CAMK2D: variants seen among roughly 807,000 people sequenced by gnomAD.
The protein encoded by CAMK2D is calcium/calmodulin-dependent protein kinase type II subunit delta.
A neutral mutation model predicts 84.0 loss-of-function variants in CAMK2D; 37 were observed. The observed-to-expected ratio is 0.44, with a 90% CI of 0.34 to 0.58. The LOEUF is 0.58. CAMK2D is among the 20% of genes least tolerant of loss of function. The probability of loss-of-function intolerance (pLI) is 0.02; values close to 1 mark genes in which losing one functional copy is unlikely to be tolerated. For missense variants in CAMK2D, 448 were observed against 652.5 expected, an observed-to-expected ratio of 0.69 and a Z score of 3.41; for synonymous variants, 202 against 212.5, an observed-to-expected ratio of 0.95 and a Z score of 0.43.
intron 6 of CAMK2D, among the ~76,000 whole-genome samples, 179 bp from the exon 7 acceptor site, chr4:113,537,622 T>C (rs561143353): frequency 6.6e-6 from 1 of 152,304 alleles, no homozygotes; most frequent in South Asian, 2.1e-4. Flanking sequence ...AATATTATCA[T>C]GTGTGCAGGC....
chr4:113,566,085 G>A (rs2098722492), intron 4 of CAMK2D, among the ~76,000 whole-genome samples: 1 of 152,086 alleles, frequency 6.6e-6, no homozygotes, highest in South Asian at 2.1e-4. Context: ...AAGAATAGGA[G>A]AGTTTCATGC....
chr4:113,457,991 T>TTTTG (rs1215225386), intron 18 of CAMK2D, among the ~76,000 whole-genome samples: 2 of 152,070 alleles, frequency 1.3e-5, no homozygotes, highest in East Asian at 3.8e-4. Flanking sequence ...TGGTGGTTGT[T>TTTTG]TTTGTTAGTT....
At chr4:113,515,216 A>T (rs1470452189) in intron 9 of CAMK2D, 25 bp from the exon 10 acceptor site, 2 of 1,551,812 alleles carry the variant, frequency 1.3e-6, no homozygotes, top group East Asian at 4.6e-5. Context: ...ATTTATAAAA[A>T]GTTTAAAAAA....
chr4:113,677,333 CTA>C (rs989751510), intron 2 of CAMK2D, among the ~76,000 whole-genome samples: 3 of 152,024 alleles, frequency 2.0e-5, no homozygotes, highest in African/African-American at 7.3e-5. Flanking sequence ...ACAGCAGGAT[CTA>C]TGTTGATTTT....
At chr4:113,622,818 CAT>C (rs1341712679) in intron 3 of CAMK2D, among the ~76,000 whole-genome samples, 2 of 152,178 alleles carry the variant, frequency 1.3e-5, no homozygotes, top group Non-Finnish European at 2.9e-5. Flanking sequence ...CAAAAGAACA[CAT>C]GTCCATTGAA....
At chr4:113,673,146 C>T (rs1033544616) in intron 2 of CAMK2D, among the ~76,000 whole-genome samples, 7 of 151,996 alleles carry the variant, frequency 4.6e-5, no homozygotes, top group Admixed American at 3.3e-4. Flanking sequence ...CTACTTCACA[C>T]CACAAAAGAG....
intron 2 of CAMK2D, among the ~76,000 whole-genome samples, chr4:113,690,461 G>C (rs2099384037): frequency 6.6e-6 from 1 of 152,198 alleles, no homozygotes; most frequent in Admixed American, 6.5e-5. Flanking sequence ...CCCCTGAGCA[G>C]ATGTGTTCCT....
chr4:113,681,350 T>G (rs973233051), intron 2 of CAMK2D, among the ~76,000 whole-genome samples: 4 of 152,122 alleles, frequency 2.6e-5, no homozygotes, highest in African/African-American at 9.7e-5. Flanking sequence ...TCACAAGATC[T>G]GATGGTTTTA....
intron 2 of CAMK2D, among the ~76,000 whole-genome samples, chr4:113,672,431 T>C (rs2099292620): frequency 6.6e-6 from 1 of 152,302 alleles, no homozygotes; most frequent in South Asian, 2.1e-4. Flanking sequence ...ATATCAGACA[T>C]GCTACTTAAC....
chr4:113,705,506 G>C (rs2099447464), intron 2 of CAMK2D, among the ~76,000 whole-genome samples: 1 of 152,094 alleles, frequency 6.6e-6, no homozygotes, highest in Admixed American at 6.6e-5. Flanking sequence ...AAGGTAGCCA[G>C]TATCTGGCCT....
intron 3 of CAMK2D, among the ~76,000 whole-genome samples, chr4:113,637,927 T>C (rs2099116375): frequency 1.3e-5 from 2 of 152,178 alleles, no homozygotes; most frequent in South Asian, 4.1e-4. Context: ...CACCAGTTTG[T>C]GGACCAAAAG....
chr4:113,457,466 G>A lies in CAMK2D; in HGVS notation c.1404C>T (p.Leu468=). The A allele has an allele frequency of 6.2e-7, 1 of 1,613,844 alleles. No individual in the cohort carries two copies. The highest frequency in any genetic ancestry group is 8.5e-7 in the Non-Finnish European group (1 of 1,179,782). Residue 468 remains leucine (L), a synonymous_variant, in exon 19 of 21, where the codon CTC becomes CTT. Coordinates refer to ENST00000511664, the MANE Select transcript of CAMK2D (RefSeq NM_001321571.2). The part of the protein sequence containing the change: ...DDAACIAYIR[L]TQYMDGSGMP... ...TTCCACTGCCATCCATGTACTGTGT[G>A]AGCCTAATATATGCTATGCAGGCGG...
chr4:113,570,686 T>C (rs1293999918), intron 4 of CAMK2D, among the ~76,000 whole-genome samples: 1 of 152,186 alleles, frequency 6.6e-6, no homozygotes, highest in Non-Finnish European at 1.5e-5. Flanking sequence ...GATTTAAAAC[T>C]GTAAAACTAC....
At chr4:113,743,417 C>G (rs1233434598) in intron 2 of CAMK2D, among the ~76,000 whole-genome samples, 2 of 152,172 alleles carry the variant, frequency 1.3e-5, no homozygotes, top group African/African-American at 4.8e-5. Context: ...AGGCCTGTAC[C>G]TGCTAATGAT....
intron 2 of CAMK2D, among the ~76,000 whole-genome samples, chr4:113,661,976 C>G (rs528454993): frequency 3.3e-5 from 5 of 152,228 alleles, no homozygotes; most frequent in African/African-American, 1.2e-4. Context: ...TGATGCTTGA[C>G]AGAGTGCAGT....
chr4:113,455,242 T>C (rs1204429178), intron 20 of CAMK2D, among the ~76,000 whole-genome samples: 6 of 152,208 alleles, frequency 3.9e-5, no homozygotes, highest in Non-Finnish European at 8.8e-5. Context: ...TCAGCTTGAC[T>C]TCCTCCTGTG....
chr4:113,570,663 G>T (rs2098748501), intron 4 of CAMK2D, among the ~76,000 whole-genome samples: 1 of 152,142 alleles, frequency 6.6e-6, no homozygotes. Context: ...ATAGATTAAA[G>T]ACTTAAATGT....
chr4:113,580,661 A>G (rs1205608302), intron 4 of CAMK2D, among the ~76,000 whole-genome samples: 1 of 152,184 alleles, frequency 6.6e-6, no homozygotes, highest in Non-Finnish European at 1.5e-5. Flanking sequence ...ACTTACTACC[A>G]TAGAGCTACA....
chr4:113,568,026 T>C (rs1356433278), intron 4 of CAMK2D, among the ~76,000 whole-genome samples: 1 of 152,216 alleles, frequency 6.6e-6, no homozygotes, highest in African/African-American at 2.4e-5. Flanking sequence ...ATAAAATCTG[T>C]CCACAGTGTA....
Sources: gnomAD v4.1 joint callset for allele counts (sites outside exome capture counted in the v4.1 genomes callset) on GRCh38, gnomAD v4.1.1 for gene constraint, MANE v1.5 for transcripts, NCBI Gene and HGNC (gene_info 2026-07-23, HGNC 2026-07-21) for gene names.